Variants in CTNNA3 observed in about 807,000 individuals in gnomAD.
CTNNA3 encodes catenin alpha 3, also known as catenin alpha-3.
CTNNA3 carries 76 observed loss-of-function variants against 95.7 expected under a neutral mutation model. The observed-to-expected ratio is 0.79, with a 90% CI of 0.66 to 0.96. The LOEUF is 0.96. CTNNA3 is among the 40% of genes least tolerant of loss of function. The probability of loss-of-function intolerance (pLI) is 0.00; values close to 1 mark genes in which losing one functional copy is unlikely to be tolerated. For missense variants in CTNNA3, 1,191 were observed against 1,089.8 expected, an observed-to-expected ratio of 1.09 and a Z score of -1.31; for synonymous variants, 431 against 374.4, an observed-to-expected ratio of 1.15 and a Z score of -1.74.
chr10:67,598,775 C>T (rs1842997580), intron 3 of CTNNA3, among the ~76,000 whole-genome samples: 1 of 151,994 alleles, frequency 6.6e-6, no homozygotes, highest in Non-Finnish European at 1.5e-5. Flanking sequence ...TACCATCTTA[C>T]TGATTTAAGA....
intron 12 of CTNNA3, among the ~76,000 whole-genome samples, chr10:66,312,342 G>T (rs1359989813): frequency 1.3e-5 from 2 of 152,044 alleles, no homozygotes; most frequent in African/African-American, 4.8e-5. Flanking sequence ...TGCCTAACTT[G>T]CCTGCAACAA....
intron 7 of CTNNA3, among the ~76,000 whole-genome samples, chr10:66,840,417 G>C (rs1281260167): frequency 7.8e-6 from 1 of 128,674 alleles, no homozygotes; most frequent in East Asian, 2.7e-4. Flanking sequence ...CACACCCCTC[G>C]GTATAGGTTG....
rs543574522 is a variant in CTNNA3 at position 67,066,163 on chromosome 10, T to C, written c.1047+114154A>G. Among the ~76,000 whole-genome samples the C allele has an allele frequency of 2.0e-5, 3 of 150,270 alleles. No homozygotes were observed. The East Asian group carries it at 5.9e-4, about 30-fold the overall frequency. ...ACCATCACCAGTGCTCGTTTCCCTATAGCACACTGCTGTGCCCACTGAAGT... is the reference window on the plus strand; with the variant it reads ...ACCATCACCAGTGCTCGTTTCCCTACAGCACACTGCTGTGCCCACTGAAGT... On this transcript the variant is annotated intron_variant, in intron 7 of 17. Coordinates refer to ENST00000433211, the MANE Select transcript of CTNNA3 (RefSeq NM_013266.4).
chr10:66,415,321 A>T (rs545805002), intron 11 of CTNNA3, among the ~76,000 whole-genome samples: 1 of 142,322 alleles, frequency 7.0e-6, no homozygotes, highest in Admixed American at 6.9e-5. Flanking sequence ...GGTTAGGCCT[A>T]CCCACACAGC....
At chr10:66,443,227 G>A (rs1315689156) in intron 11 of CTNNA3, among the ~76,000 whole-genome samples, 2 of 152,152 alleles carry the variant, frequency 1.3e-5, no homozygotes, top group African/African-American at 2.4e-5. Context: ...TCCACCTCTG[G>A]GGGCAGGGCA....
At chr10:66,684,886 G>A (rs990889240) in intron 9 of CTNNA3, among the ~76,000 whole-genome samples, 5 of 145,494 alleles carry the variant, frequency 3.4e-5, no homozygotes, top group South Asian at 2.2e-4. Context: ...TAGTAATTAT[G>A]TAGGAATAAA....
chr10:67,350,910 G>GTATATATATATATATATA (rs3057678), intron 5 of CTNNA3, among the ~76,000 whole-genome samples: 3 of 141,806 alleles, frequency 2.1e-5, no homozygotes, highest in African/African-American at 7.8e-5. Context: ...AAAAGTATGT[G>GTATATATATATATATATA]TATATATATA....
At chr10:67,492,228 T>C (rs1268255961) in intron 5 of CTNNA3, among the ~76,000 whole-genome samples, 1 of 151,802 alleles carries the variant, frequency 6.6e-6, no homozygotes, top group African/African-American at 2.4e-5. Context: ...TCCAGACATG[T>C]AGGAGAAAAA....
chr10:66,865,214 G>A (rs561315248), intron 7 of CTNNA3, among the ~76,000 whole-genome samples: 3,290 of 38,908 alleles, frequency 0.085, 47 homozygotes, highest in Middle Eastern at 0.28. Context: ...GTGTGTGTGC[G>A]TGTGTGTGTG....
chr10:66,773,280 A>G (rs921871388), intron 8 of CTNNA3, among the ~76,000 whole-genome samples: 7 of 152,158 alleles, frequency 4.6e-5, no homozygotes, highest in East Asian at 1.9e-4. Context: ...GCCTACTCCT[A>G]TTGAACTGGG....
chr10:67,176,427 T>A (rs1156539199), intron 7 of CTNNA3, among the ~76,000 whole-genome samples: 1 of 152,134 alleles, frequency 6.6e-6, no homozygotes, highest in Non-Finnish European at 1.5e-5. Context: ...AGGCTTGGGA[T>A]AAAACTAAAC....
At chr10:66,027,960 G>A (rs1374632484) in intron 15 of CTNNA3, among the ~76,000 whole-genome samples, 6 of 152,152 alleles carry the variant, frequency 3.9e-5, no homozygotes, top group African/African-American at 1.4e-4. Context: ...GAGTCCTCCA[G>A]TTTAAAGGAC....
At chr10:67,296,552 A>G (rs1840037511) in intron 5 of CTNNA3, among the ~76,000 whole-genome samples, 1 of 152,214 alleles carries the variant, frequency 6.6e-6, no homozygotes, top group African/African-American at 2.4e-5. Context: ...CTTTGTGAGG[A>G]CAAAGCATGG....
At chr10:67,430,513 G>A (rs944433323) in intron 5 of CTNNA3, among the ~76,000 whole-genome samples, 23 of 151,856 alleles carry the variant, frequency 1.5e-4, no homozygotes, top group Non-Finnish European at 4.4e-5. Flanking sequence ...AGAAGGAAAT[G>A]ATATATTTAA....
At chr10:66,008,875 G>A (rs986846015) in intron 15 of CTNNA3, among the ~76,000 whole-genome samples, 1 of 152,132 alleles carries the variant, frequency 6.6e-6, no homozygotes, top group Non-Finnish European at 1.5e-5. Flanking sequence ...GCTGAGGTGG[G>A]TGGATCATGA....
At chr10:66,873,307 C>G (rs1171077744) in intron 7 of CTNNA3, among the ~76,000 whole-genome samples, 1 of 152,076 alleles carries the variant, frequency 6.6e-6, no homozygotes, top group African/African-American at 2.4e-5. Flanking sequence ...ATATTGCCAC[C>G]AACAGTGTAT....
At chr10:66,257,706 C>A (rs1018208435) in intron 13 of CTNNA3, among the ~76,000 whole-genome samples, 2 of 152,062 alleles carry the variant, frequency 1.3e-5, no homozygotes, top group Non-Finnish European at 2.9e-5. Context: ...GAGTTACAGC[C>A]CCTAATAACA....
At chr10:67,034,859 T>C (rs1259468466) in intron 7 of CTNNA3, among the ~76,000 whole-genome samples, 3 of 152,192 alleles carry the variant, frequency 2.0e-5, no homozygotes, top group African/African-American at 4.8e-5. Context: ...TAATAAAATA[T>C]ATCTATTTGC....
At chr10:66,948,279 C>T (rs1848375409) in intron 7 of CTNNA3, among the ~76,000 whole-genome samples, 1 of 152,098 alleles carries the variant, frequency 6.6e-6, no homozygotes. Context: ...AACATAGTAC[C>T]ATGTACAAAG....
Sources: gnomAD v4.1 joint callset for allele counts (sites outside exome capture counted in the v4.1 genomes callset) on GRCh38, gnomAD v4.1.1 for gene constraint, MANE v1.5 for transcripts, NCBI Gene and HGNC (gene_info 2026-07-23, HGNC 2026-07-21) for gene names.